Variants in SYNPO2 observed in about 807,000 individuals in gnomAD.
The protein encoded by SYNPO2 is synaptopodin 2.
SYNPO2 carries 56 observed loss-of-function variants against 85.0 expected under a neutral mutation model. The observed-to-expected ratio is 0.66, with a 90% CI of 0.53 to 0.82. SYNPO2 has a LOEUF of 0.82. SYNPO2 is among the 40% of genes least tolerant of loss of function. The pLI, the probability that SYNPO2 is intolerant of heterozygous loss-of-function variation, is 0.00. For synonymous variants in SYNPO2, 602 were observed against 591.1 expected (o/e 1.02, Z -0.27); for missense variants, 1,575 against 1,534.2 (o/e 1.03, Z -0.44).
At chr4:119,037,225 A>G in intron 4 of SYNPO2, 1 of 1,515,558 alleles carries the variant, frequency 6.6e-7, no homozygotes, top group South Asian at 1.3e-5. Flanking sequence ...ATTCAAAGGA[A>G]ACACAAAGAA....
chr4:118,885,464 T>C (rs1255084512), upstream of SYNPO2, among the ~76,000 whole-genome samples: 1 of 143,406 alleles, frequency 7.0e-6, no homozygotes, highest in Non-Finnish European at 1.5e-5. Context: ...GTTAGATCCA[T>C]AGGTCTTTTT....
upstream of SYNPO2, among the ~76,000 whole-genome samples, chr4:118,888,111 C>G (rs1259077645): frequency 6.6e-6 from 1 of 152,026 alleles, no homozygotes; most frequent in Non-Finnish European, 1.5e-5. Flanking sequence ...TGACATTGTA[C>G]ATTTTATGCA....
At position 119,030,146 on chromosome 4, in the gene SYNPO2, A is replaced by G. The variant is rs1439876743; in HGVS notation, c.1371A>G (p.Thr457=). ...EELLSDVDDN[T]QVVNFDWDSG... ...TATTGTCTGACGTTGACGACAACAC[A>G]CAAGTTGTGAACTTTGACTGGGATT... Residue 457 remains threonine (T), a synonymous_variant, in exon 4 of 5, where the codon ACA becomes ACG. Coordinates refer to ENST00000307142, the MANE Select transcript of SYNPO2 (RefSeq NM_133477.3). The G allele has an allele frequency of 1.2e-6, 2 of 1,614,180 alleles. No homozygotes were observed. Among genetic ancestry groups the G allele is most frequent in the African/African-American group, 1.3e-5 (1 of 75,050 alleles).
At chr4:119,055,748 A>G (rs912634988) in intron 4 of SYNPO2, among the ~76,000 whole-genome samples, 2 of 152,206 alleles carry the variant, frequency 1.3e-5, no homozygotes, top group African/African-American at 4.8e-5. Flanking sequence ...GAATTAAGAC[A>G]AGATTAGTGA....
intron 4 of SYNPO2, among the ~76,000 whole-genome samples, chr4:119,057,128 G>A (rs1739230844): frequency 6.6e-6 from 1 of 152,102 alleles, no homozygotes; most frequent in Admixed American, 6.5e-5. Context: ...TAGCAACTGG[G>A]GCTATGCGTT....
chr4:119,051,514 TAAGA>T (rs1739051616), intron 4 of SYNPO2, among the ~76,000 whole-genome samples: 1 of 152,098 alleles, frequency 6.6e-6, no homozygotes, highest in South Asian at 2.1e-4. Flanking sequence ...TGATTCAATG[TAAGA>T]AAGAAGTTCC....
intron 1 of SYNPO2, among the ~76,000 whole-genome samples, chr4:118,874,326 T>A (rs1183485491): frequency 1.3e-5 from 2 of 152,178 alleles, no homozygotes; most frequent in African/African-American, 4.8e-5. Context: ...GGAAGAATGA[T>A]GTGGAAAATT....
intron 1 of SYNPO2, among the ~76,000 whole-genome samples, chr4:118,863,636 G>C (rs1339714267): frequency 1.3e-5 from 2 of 150,406 alleles, no homozygotes; most frequent in Non-Finnish European, 3.0e-5. Context: ...TTTTGAGATA[G>C]AGCCTTGCTC....
intron 4 of SYNPO2, among the ~76,000 whole-genome samples, chr4:119,055,085 C>G (rs1452124602): frequency 1.3e-5 from 2 of 152,172 alleles, no homozygotes; most frequent in Admixed American, 6.5e-5. Flanking sequence ...CTATTTTTTC[C>G]TGTCAAGACA....
At chr4:118,910,670 T>C (rs1578541613) in intron 1 of SYNPO2, among the ~76,000 whole-genome samples, 1 of 152,084 alleles carries the variant, frequency 6.6e-6, no homozygotes, top group Non-Finnish European at 1.5e-5. Flanking sequence ...ATAGAAAAGC[T>C]ATATTGTTTA....
Position 119,027,391 on chromosome 4 carries a change from C to T in SYNPO2, c.1022C>T (p.Ser341Leu), listed in dbSNP as rs865873740. 37 of 1,612,322 alleles carry T rather than the reference C, an allele frequency of 2.3e-5. No individual in the cohort carries two copies. The highest frequency in any genetic ancestry group is 1.8e-4 in the Middle Eastern group (1 of 5,580). Residue 341 changes from serine to leucine, a missense_variant, in exon 3 of 5, where the codon TCG becomes TTG. Physicochemically the swap from Ser to Leu is moderately radical, Grantham distance 145. Around this residue, in one of 3 missense-constraint regions of SYNPO2, gnomAD observed 1,508 missense variants for 1,446.8 expected, o/e 1.04. Coordinates refer to ENST00000307142, the MANE Select transcript of SYNPO2 (RefSeq NM_133477.3). ...ACAGAGCAGGGAGAAGATCCACGCT[C>T]GGAAAAAGATCACAGCAGACCTCAC... ...EGTEQGEDPR[S>L]EKDHSRPHKH...
At chr4:119,054,226 A>T (rs2149201508) in intron 4 of SYNPO2, among the ~76,000 whole-genome samples, 1 of 152,332 alleles carries the variant, frequency 6.6e-6, no homozygotes, top group African/African-American at 2.4e-5. Flanking sequence ...GCGACCCCAA[A>T]GCCCCAGAGG....
intron 1 of SYNPO2, among the ~76,000 whole-genome samples, chr4:118,890,158 G>T (rs1732314229): frequency 6.8e-6 from 1 of 147,924 alleles, no homozygotes. Context: ...GTTTCCCTCT[G>T]CCTTTTACGT....
rs192000367 is a variant in SYNPO2 at position 118,960,527 on chromosome 4, A to G, written c.106-62903A>G. Among the ~76,000 whole-genome samples, 619 of 152,194 alleles carry G rather than the reference A, an allele frequency of 4.1e-3. 2 individuals are homozygous for G. Among genetic ancestry groups the G allele is most frequent in the Non-Finnish European group, 7.2e-3 (489 of 68,000 alleles). On this transcript the variant is annotated intron_variant, in intron 1 of 4. Transcript: ENST00000307142. ...ACTAATATATTAGGTAAATGTATCTAATCTCTCATCTTCAAATTCCATCTC... is the reference window on the plus strand; with the variant it reads ...ACTAATATATTAGGTAAATGTATCTGATCTCTCATCTTCAAATTCCATCTC...
Position 119,034,234 on chromosome 4 carries a change from G to T in SYNPO2, c.3252+2207G>T, listed in dbSNP as rs990775780. ...GAAAAAAGATCATTTTTATAGCTTT[G>T]CATTCTTAACATAGCATTTAAAGAG... On this transcript the variant is annotated intron_variant, in intron 4 of 4. Transcript: ENST00000307142. 11 of 985,378 alleles carry T rather than the reference G, an allele frequency of 1.1e-5. 1 individual carries two copies. The Admixed American group carries it at 5.5e-4, about 50-fold the overall frequency. The allele number at this position is 985,378 out of a possible 1,614,324, so 61.0% of individuals were successfully genotyped here.
chr4:118,931,848 T>TA (rs1420075928), intron 1 of SYNPO2, among the ~76,000 whole-genome samples: 2 of 152,172 alleles, frequency 1.3e-5, no homozygotes, highest in Non-Finnish European at 2.9e-5. Flanking sequence ...TTACACATAA[T>TA]AAAAAAATCA....
In SYNPO2 at chr4:118,905,750, T is replaced by C. The variant is rs147024934; in HGVS notation, c.105+16609T>C. ...GTTTTGTCTAGTGAGGCTGCTCTCA[T>C]GTTCTCCTGAATGTGTCATCCTCAT... is the stretch of plus-strand genomic sequence containing the variant. On this transcript the variant is annotated intron_variant, in intron 1 of 4. Transcript: ENST00000307142. Among the ~76,000 whole-genome samples, 1,218 of 152,294 alleles carry C rather than the reference T, an allele frequency of 8.0e-3. 21 individuals are homozygous for C. Among genetic ancestry groups the C allele is most frequent in the African/African-American group, 0.028 (1,148 of 41,566 alleles).
chr4:118,863,198 TCTC>T (rs1379337655), intron 1 of SYNPO2, among the ~76,000 whole-genome samples: 2 of 152,230 alleles, frequency 1.3e-5, no homozygotes, highest in African/African-American at 2.4e-5. Context: ...AGTACTCCCT[TCTC>T]CTCTATTTTT....
chr4:118,916,455 G>C (rs768756889), intron 1 of SYNPO2, among the ~76,000 whole-genome samples: 1 of 151,992 alleles, frequency 6.6e-6, no homozygotes, highest in Admixed American at 6.5e-5. Context: ...CTACAGGGGT[G>C]AGTCACAGAG....
Sources: gnomAD v4.1 joint callset for allele counts (sites outside exome capture counted in the v4.1 genomes callset) on GRCh38, gnomAD v4.1.1 for gene constraint, gnomAD v4.1.1 regional missense constraint, MANE v1.5 for transcripts, NCBI Gene and HGNC (gene_info 2026-07-23, HGNC 2026-07-21) for gene names.